Variants in CSMD1 observed in about 807,000 individuals in gnomAD.
CSMD1 encodes CUB and Sushi multiple domains 1, also known as CUB and sushi domain-containing protein 1.
Under a neutral mutation model 417.5 loss-of-function variants are expected in CSMD1, and 213 were observed. The ratio of observed to expected loss-of-function variants is 0.51; its 90% confidence interval spans 0.46 to 0.57. The LOEUF is 0.57. Among genes scored for constraint, CSMD1 ranks in the 20% least tolerant of loss-of-function variants. CSMD1 has a pLI of 0.00. For missense variants in CSMD1, 6,923 were observed against 4,529.7 expected (o/e 1.53, Z -15.17); for synonymous variants, 2,862 against 1,736.8 (o/e 1.65, Z -16.11).
chr8:3,292,419 C>T (rs147214832), intron 25 of CSMD1, among the ~76,000 whole-genome samples: 5,675 of 152,148 alleles, frequency 0.037, 172 homozygotes, highest in Admixed American at 0.088. Context: ...CTAATGTTGA[C>T]AGTGGGGTGT....
chr8:4,212,673 G>C (rs371231452), intron 3 of CSMD1, among the ~76,000 whole-genome samples: 13 of 146,056 alleles, frequency 8.9e-5, no homozygotes, highest in African/African-American at 3.3e-4. Flanking sequence ...AAAAATCTAA[G>C]AACAGAAATA....
chr8:4,273,178 A>G (rs894849625), intron 3 of CSMD1, among the ~76,000 whole-genome samples: 11 of 152,188 alleles, frequency 7.2e-5, no homozygotes, highest in African/African-American at 2.4e-4. Flanking sequence ...AGAGATTTGG[A>G]TAACTCATTT....
rs947412504 is a variant in CSMD1, at chr8:3,457,100, T to A, written c.1561+11612A>T. ...TTCTGCACCTCTCTTCCTGGACCCC[T>A]CCCTCTGAATCCCTCACCCAGGCCT... On this transcript the variant is annotated intron_variant, in intron 12 of 69. Coordinates refer to ENST00000635120, the MANE Select transcript of CSMD1 (RefSeq NM_033225.6). Among the ~76,000 whole-genome samples the A allele has an allele frequency of 2.6e-5, 4 of 151,520 alleles. No individual in the cohort carries two copies. The Middle Eastern group carries it at 9.6e-3, about 364-fold the overall frequency.
intron 10 of CSMD1, among the ~76,000 whole-genome samples, chr8:3,494,497 T>G (rs554421758): frequency 1.3e-5 from 2 of 152,026 alleles, no homozygotes; most frequent in East Asian, 3.9e-4. Flanking sequence ...AGAGGAATGA[T>G]AGATAGATGA....
chr8:4,043,359 A>T (rs1034266599), intron 3 of CSMD1, among the ~76,000 whole-genome samples: 5 of 152,344 alleles, frequency 3.3e-5, no homozygotes, highest in African/African-American at 1.2e-4. Flanking sequence ...AGCAAACTGC[A>T]AGGTGGTAAA....
intron 12 of CSMD1, among the ~76,000 whole-genome samples, chr8:3,428,555 A>G (rs572398695): frequency 1.3e-5 from 2 of 152,344 alleles, no homozygotes; most frequent in Admixed American, 1.3e-4. Flanking sequence ...TGACCATACC[A>G]AATGTCAGCA....
chr8:3,724,616 G>A (rs937677315), intron 6 of CSMD1, among the ~76,000 whole-genome samples: 3 of 152,024 alleles, frequency 2.0e-5, no homozygotes, highest in Non-Finnish European at 4.4e-5. Context: ...TTGGCCTCTG[G>A]GTCACTCCCA....
At chr8:4,775,291 T>G (rs778553180) in intron 1 of CSMD1, among the ~76,000 whole-genome samples, 1 of 152,140 alleles carries the variant, frequency 6.6e-6, no homozygotes, top group Non-Finnish European at 1.5e-5. Flanking sequence ...AGGTCCAGCA[T>G]AAAGTCTCCA....
At chr8:3,531,077 T>C (rs951057552) in intron 10 of CSMD1, among the ~76,000 whole-genome samples, 16 of 151,740 alleles carry the variant, frequency 1.1e-4, no homozygotes, top group Admixed American at 7.9e-4. Flanking sequence ...GCCAGGCTGA[T>C]CTCAAACTCC....
intron 3 of CSMD1, among the ~76,000 whole-genome samples, chr8:4,408,147 G>A (rs1314916249): frequency 6.6e-6 from 1 of 152,206 alleles, no homozygotes; most frequent in East Asian, 1.9e-4. Context: ...GTACACATGT[G>A]ATTTAAATGA....
chr8:4,455,731 G>C (rs1015364153), intron 2 of CSMD1, among the ~76,000 whole-genome samples: 2 of 151,676 alleles, frequency 1.3e-5, no homozygotes, highest in Non-Finnish European at 1.5e-5. Flanking sequence ...AGGAGTTCAA[G>C]ACCAGCCTGG....
chr8:3,839,927 G>A (rs915797704), intron 5 of CSMD1, among the ~76,000 whole-genome samples: 1 of 152,010 alleles, frequency 6.6e-6, no homozygotes, highest in Admixed American at 6.6e-5. Flanking sequence ...TCACAGAGAT[G>A]CAGTGATCTT....
intron 54 of CSMD1, among the ~76,000 whole-genome samples, chr8:2,982,282 G>T (rs1308855572): frequency 6.6e-6 from 1 of 152,182 alleles, no homozygotes; most frequent in Admixed American, 6.5e-5. Flanking sequence ...CTTGAACCCA[G>T]GATGCGGAAG....
At chr8:4,908,475 A>C (rs550927110) in intron 1 of CSMD1, among the ~76,000 whole-genome samples, 1 of 152,074 alleles carries the variant, frequency 6.6e-6, no homozygotes, top group Non-Finnish European at 1.5e-5. Context: ...TTAGTATTCC[A>C]ATGAATTTTA....
At chr8:4,319,858 C>G (rs988090146) in intron 3 of CSMD1, among the ~76,000 whole-genome samples, 1 of 152,240 alleles carries the variant, frequency 6.6e-6, no homozygotes, top group East Asian at 1.9e-4. Flanking sequence ...GTATATTATG[C>G]AGGTAACAGA....
At chr8:3,521,804 C>T (rs1248845609) in intron 10 of CSMD1, among the ~76,000 whole-genome samples, 2 of 152,160 alleles carry the variant, frequency 1.3e-5, no homozygotes, top group African/African-American at 4.8e-5. Context: ...AATGGATTCT[C>T]TGTATACACA....
chr8:4,818,791 A>G (rs1799354870), intron 1 of CSMD1, among the ~76,000 whole-genome samples: 1 of 152,228 alleles, frequency 6.6e-6, no homozygotes, highest in Non-Finnish European at 1.5e-5. Context: ...TTGTAAAACA[A>G]AAGTATTTTC....
intron 5 of CSMD1, among the ~76,000 whole-genome samples, chr8:3,971,796 A>G (rs1442608983): frequency 6.6e-6 from 1 of 152,214 alleles, no homozygotes; most frequent in Admixed American, 6.5e-5. Flanking sequence ...ACAGAATTAA[A>G]TATTAACTTA....
chr8:3,636,318 C>T (rs1797044139), intron 7 of CSMD1, among the ~76,000 whole-genome samples: 1 of 152,186 alleles, frequency 6.6e-6, no homozygotes, highest in African/African-American at 2.4e-5. Context: ...GCCGGGATTA[C>T]AGGCATGCGC....
Sources: allele counts gnomAD v4.1 joint callset (sites outside exome capture counted in the v4.1 genomes callset), GRCh38; gene constraint gnomAD v4.1.1; transcripts MANE v1.5; gene names NCBI Gene and HGNC (gene_info 2026-07-23, HGNC 2026-07-21).